The following SLC2A7 variants were observed in gnomAD, a reference collection of about 807,000 sequenced individuals.
SLC2A7 encodes solute carrier family 2, facilitated glucose transporter member 7.
SLC2A7 carries 50 observed loss-of-function variants against 50.5 expected under a neutral mutation model. The observed-to-expected ratio is 0.99, with a 90% CI of 0.79 to 1.25. The LOEUF (loss-of-function observed/expected upper bound fraction) is 1.25. SLC2A7 is among the 50% of genes most tolerant of loss of function. The pLI is 0.00. For missense variants in SLC2A7, 683 were observed against 679.1 expected (o/e 1.01, Z -0.06); for synonymous variants, 308 against 300.4 (o/e 1.03, Z -0.26).
In SLC2A7 at chr1:9,003,315, C is replaced by T. The variant is rs1436975937; in HGVS notation, c.1524G>A (p.Lys508=). The T allele has an allele frequency of 6.2e-7, 1 of 1,614,180 alleles. No individual in the cohort carries two copies. Among genetic ancestry groups the T allele is most frequent in the African/African-American group, 1.3e-5 (1 of 75,042 alleles). The stretch of plus-strand genomic sequence containing the variant: ...TGCAGGGCCACTAAAAGGAAGTTTC[C>T]TTGGCAGGAGAGGCTGTGGGAGGCC... ...DAGPPTASPA[K]ETSF The change falls in exon 12 of 12, where the codon AAG becomes AAA. Residue 508 remains lysine, a synonymous_variant. Coordinates refer to ENST00000400906, the MANE Select transcript of SLC2A7 (RefSeq NM_207420.3).
chr1:9,004,955 C>T, intron 10 of SLC2A7, 76 bp from the exon 11 acceptor site: 2 of 1,506,246 alleles, frequency 1.3e-6, no homozygotes, highest in South Asian at 2.5e-5. Context: ...GCGGCCCACT[C>T]TAGCCTCTGA....
rs1640978280 is a variant in SLC2A7, at chr1:9,025,174, G to A, written c.52-100C>T. 30 of 1,233,288 alleles carry A rather than the reference G, an allele frequency of 2.4e-5. No homozygotes were observed. The South Asian group carries it at 3.7e-4, about 15-fold the overall frequency. The allele number at this position is 1,233,288 out of a possible 1,614,324, so 76.4% of individuals were successfully genotyped here. On this transcript the variant is annotated intron_variant, in intron 1 of 11. Transcript: ENST00000400906. ...CCCTCCAGCCTGGGCTGGAAGTGGG[G>A]GATGGGGGATCCCAGGCCGTGCCCC... is the stretch of plus-strand genomic sequence containing the variant.
downstream of SLC2A7, among the ~76,000 whole-genome samples, chr1:9,000,163 C>T (rs1640555220): frequency 6.6e-6 from 1 of 152,132 alleles, no homozygotes; most frequent in Admixed American, 6.6e-5. Context: ...TGACACTCCT[C>T]TATTCAAAAG....
intron 10 of SLC2A7, among the ~76,000 whole-genome samples, chr1:9,005,252 G>A (rs891891344): frequency 1.3e-5 from 2 of 152,198 alleles, no homozygotes; most frequent in African/African-American, 2.4e-5. Context: ...TTGCGCTGGC[G>A]TCACTCTGAC....
At chr1:9,017,409 G>T (rs1004687096) in intron 5 of SLC2A7, among the ~76,000 whole-genome samples, 6 of 432 alleles carry the variant, frequency 0.014, no homozygotes, top group South Asian at 0.2. Flanking sequence ...GGTCATAAAA[G>T]GCCCCCTATT....
chr1:9,008,531 G>A lies in SLC2A7; in HGVS notation c.1117-1146C>T, dbSNP rs1384240177. Among the ~76,000 whole-genome samples, 3 of 152,090 alleles carry A rather than the reference G, an allele frequency of 2.0e-5. No individual in the cohort carries two copies. The highest frequency in any genetic ancestry group is 4.4e-5 in the Non-Finnish European group (3 of 68,018). ...AGTGTCACTGGCGGTGGTCTCTGCAGGTGGCGCTCAGTCGTGCTCACCTCT... is the reference window on the plus strand; with the variant it reads ...AGTGTCACTGGCGGTGGTCTCTGCAAGTGGCGCTCAGTCGTGCTCACCTCT... On this transcript the variant is annotated intron_variant, in intron 9 of 11. Coordinates refer to ENST00000400906, the MANE Select transcript of SLC2A7 (RefSeq NM_207420.3). The surrounding 1 kb of genome is among the most constrained non-coding windows in gnomAD (Gnocchi z 5.9).
At chr1:9,015,432 GT>G (rs1305143177) in intron 5 of SLC2A7, among the ~76,000 whole-genome samples, 190 bp from the exon 6 acceptor site, 2 of 152,114 alleles carry the variant, frequency 1.3e-5, no homozygotes, top group Non-Finnish European at 2.9e-5. Flanking sequence ...AAATTTACAC[GT>G]CATTAATTAT....
downstream of SLC2A7, among the ~76,000 whole-genome samples, chr1:9,002,725 G>A (rs901901223): frequency 6.6e-6 from 1 of 152,186 alleles, no homozygotes; most frequent in African/African-American, 2.4e-5. Context: ...TCTATACTTT[G>A]TCTCTGTGTC....
intron 3 of SLC2A7, among the ~76,000 whole-genome samples, chr1:9,021,929 GGC>G (rs1640918029): frequency 6.6e-6 from 1 of 151,974 alleles, no homozygotes; most frequent in Non-Finnish European, 1.5e-5. Flanking sequence ...CTCTTGGTCT[GGC>G]TGAGAACATC....
chr1:8,999,653 CT>C (rs1009720174), downstream of SLC2A7, among the ~76,000 whole-genome samples: 5 of 152,224 alleles, frequency 3.3e-5, no homozygotes, highest in African/African-American at 1.2e-4. Flanking sequence ...TGGACACTCC[CT>C]TCTGTGGACC....
chr1:9,000,151 T>C (rs17392147), downstream of SLC2A7, among the ~76,000 whole-genome samples: 17,234 of 152,156 alleles, frequency 0.11, 986 homozygotes, highest in African/African-American at 0.14. Flanking sequence ...TGCAAATTTT[T>C]TTGACACTCC....
intron 8 of SLC2A7, among the ~76,000 whole-genome samples, chr1:9,010,782 C>A (rs114815464): frequency 4.1e-4 from 63 of 152,308 alleles, no homozygotes; most frequent in African/African-American, 1.5e-3. Context: ...ATTTCCAGAC[C>A]TCCTGGATCT....
intron 5 of SLC2A7, 33 bp downstream of exon 5, chr1:9,018,188 CTG>C: frequency 6.2e-7 from 1 of 1,612,328 alleles, no homozygotes; most frequent in Non-Finnish European, 8.5e-7. Flanking sequence ...GAACGAGAGA[CTG>C]GACCTAGCGT....
intron 8 of SLC2A7, among the ~76,000 whole-genome samples, chr1:9,010,734 A>G (rs1486760806): frequency 6.6e-6 from 1 of 152,078 alleles, no homozygotes; most frequent in Non-Finnish European, 1.5e-5. Flanking sequence ...TCAGACATTC[A>G]TGCTCTTCAC....
chr1:8,995,741 G>A, the SLC2A7 span, among the ~76,000 whole-genome samples: 2 of 152,192 alleles, frequency 1.3e-5, no homozygotes, highest in South Asian at 2.1e-4. Context: ...GTGAAAGTCT[G>A]TCTCAAAAAA....
intron 3 of SLC2A7, among the ~76,000 whole-genome samples, chr1:9,021,765 C>T (rs1021280316): frequency 6.6e-6 from 1 of 152,160 alleles, no homozygotes; most frequent in African/African-American, 2.4e-5. Flanking sequence ...GACTCCCAGC[C>T]CTTCCTGATG....
rs752730337 is a variant in SLC2A7 at position 9,003,207 on chromosome 1, C to G, written c.*93G>C. 3 of 1,139,198 alleles carry G rather than the reference C, an allele frequency of 2.6e-6. No homozygotes were observed. The highest frequency in any genetic ancestry group is 3.8e-6 in the Non-Finnish European group (3 of 792,458). The allele number at this position is 1,139,198 out of a possible 1,614,324, so 70.6% of individuals were successfully genotyped here. ...AAATGGGGGCAACGACAAAAGCCTC[C>G]GTGCTATTATCCTCCCCAGAGCCTG... is the stretch of plus-strand genomic sequence containing the variant. On this transcript the variant is annotated 3_prime_UTR_variant, in exon 12 of 12. Coordinates refer to ENST00000400906, the MANE Select transcript of SLC2A7 (RefSeq NM_207420.3).
chr1:9,014,756 G>T lies in SLC2A7; in HGVS notation c.828C>A (p.Ala276=). ...GGAGCTGCCAGCGCAGGGACCGCAG[G>T]GCACAGAGGTGCAGCACAGACAGGT... ...EGHLSVLHLC[A]LRSLRWQLLS... is the part of the protein sequence containing the mutation. Residue 276 remains alanine, a synonymous_variant, in exon 7 of 12, where the codon GCC becomes GCA. Transcript: ENST00000400906. 1 of 1,589,754 alleles carries T rather than the reference G, an allele frequency of 6.3e-7. No individual in the cohort carries two copies. Among genetic ancestry groups the T allele is most frequent in the East Asian group, 2.3e-5 (1 of 43,570 alleles).
chr1:9,019,410 C>A (rs749855344), intron 3 of SLC2A7, 77 bp from the exon 4 acceptor site: 1 of 1,576,240 alleles, frequency 6.3e-7, no homozygotes, highest in Non-Finnish European at 8.6e-7. Context: ...TCCTATTCTG[C>A]GGGCAGTCAC....
Sources: allele counts gnomAD v4.1 joint callset (sites outside exome capture counted in the v4.1 genomes callset), GRCh38; gene constraint gnomAD v4.1.1; non-coding constraint Gnocchi (gnomAD v3.1); transcripts MANE v1.5; gene names NCBI Gene and HGNC (gene_info 2026-07-23, HGNC 2026-07-21).